ADAMTSL1: variants seen among roughly 807,000 people sequenced by gnomAD.
The protein encoded by ADAMTSL1 is ADAMTS like 1.
ADAMTSL1 carries 126 observed loss-of-function variants against 201.8 expected under a neutral mutation model. That is an observed-to-expected ratio of 0.62 (90% CI 0.54 to 0.72). ADAMTSL1 has a LOEUF of 0.72. Among genes scored for constraint, ADAMTSL1 ranks in the 30% least tolerant of loss-of-function variants. The probability of loss-of-function intolerance (pLI) is 0.00; values close to 1 mark genes in which losing one functional copy is unlikely to be tolerated. For missense variants in ADAMTSL1, 2,679 were observed against 2,277.8 expected (o/e 1.18, Z -3.59); for synonymous variants, 1,121 against 903.4 (o/e 1.24, Z -4.32).
chr9:18,849,820 T>C (rs1826365373), intron 23 of ADAMTSL1, among the ~76,000 whole-genome samples: 1 of 152,258 alleles, frequency 6.6e-6, no homozygotes, highest in Non-Finnish European at 1.5e-5. Context: ...CATTTTGTAG[T>C]TATTTATGGC....
chr9:17,925,008 G>GA (rs1276804582), intron 1 of ADAMTSL1, among the ~76,000 whole-genome samples: 1 of 118,142 alleles, frequency 8.5e-6, no homozygotes, highest in Admixed American at 9.9e-5. Flanking sequence ...AAATTTACAA[G>GA]AAAAAAACAA....
intron 1 of ADAMTSL1, among the ~76,000 whole-genome samples, chr9:18,005,970 G>A (rs2131544133): frequency 6.6e-6 from 1 of 152,050 alleles, no homozygotes; most frequent in Non-Finnish European, 1.5e-5. Flanking sequence ...ATATGTGGGA[G>A]AGAGTATGAG....
intron 3 of ADAMTSL1, among the ~76,000 whole-genome samples, chr9:18,555,627 G>T (rs1821059838): frequency 6.6e-6 from 1 of 151,926 alleles, no homozygotes; most frequent in Admixed American, 6.6e-5. Context: ...GTATGCACAG[G>T]GTGCTATGGC....
At chr9:18,591,748 C>T (rs1823929526) in intron 4 of ADAMTSL1, among the ~76,000 whole-genome samples, 1 of 152,154 alleles carries the variant, frequency 6.6e-6, no homozygotes, top group Non-Finnish European at 1.5e-5. Flanking sequence ...ACAATCAGTA[C>T]ATTTTGGCCA....
At chr9:18,552,664 A>G (rs1045895534) in intron 3 of ADAMTSL1, among the ~76,000 whole-genome samples, 5 of 151,722 alleles carry the variant, frequency 3.3e-5, no homozygotes, top group Admixed American at 6.6e-5. Flanking sequence ...TAATTTGCCA[A>G]TTTCACCTTG....
intron 1 of ADAMTSL1, among the ~76,000 whole-genome samples, chr9:18,140,885 T>G (rs1826369582): frequency 6.6e-6 from 1 of 152,182 alleles, no homozygotes; most frequent in Admixed American, 6.5e-5. Flanking sequence ...TGTCCAAAAT[T>G]AGGCTACTTG....
At chr9:18,099,940 C>T (rs1464251269) in intron 1 of ADAMTSL1, among the ~76,000 whole-genome samples, 1 of 151,790 alleles carries the variant, frequency 6.6e-6, no homozygotes, top group African/African-American at 2.4e-5. Context: ...TTCAAAGTTT[C>T]CTCCTTTTCA....
chr9:18,742,340 T>C (rs575382548), intron 15 of ADAMTSL1, among the ~76,000 whole-genome samples: 1 of 152,324 alleles, frequency 6.6e-6, no homozygotes, highest in African/African-American at 2.4e-5. Context: ...TGGATGAATG[T>C]CAAATTATTT....
intron 1 of ADAMTSL1, among the ~76,000 whole-genome samples, chr9:17,913,225 C>G (rs1825960668): frequency 6.6e-6 from 1 of 152,042 alleles, no homozygotes; most frequent in Non-Finnish European, 1.5e-5. Flanking sequence ...TTTTCCAATT[C>G]TGTGAAGAAA....
chr9:18,718,577 C>G (rs1195001870), intron 14 of ADAMTSL1: 1 of 435,298 alleles, frequency 2.3e-6, no homozygotes, highest in Non-Finnish European at 4.6e-6. Flanking sequence ...ACCGGGTTCC[C>G]GCAGCCAGTG....
At chr9:18,047,078 G>A (rs118105735) in intron 1 of ADAMTSL1, among the ~76,000 whole-genome samples, 3,373 of 151,978 alleles carry the variant, frequency 0.022, 64 homozygotes, top group Admixed American at 0.055. Flanking sequence ...AATTGACAAG[G>A]GTGAAAATAA....
intron 25 of ADAMTSL1, chr9:18,890,813 T>C (rs1421802724): frequency 3.0e-6 from 1 of 328,796 alleles, no homozygotes; most frequent in Non-Finnish European, 6.0e-6. Context: ...ACCAGGGATA[T>C]AAGAGGCTGG....
At chr9:18,602,819 C>G (rs1223138482) in intron 4 of ADAMTSL1, among the ~76,000 whole-genome samples, 1 of 152,186 alleles carries the variant, frequency 6.6e-6, no homozygotes, top group Admixed American at 6.6e-5. Context: ...GTATCTGACA[C>G]ATGAAGTTAA....
chr9:18,403,200 T>G (rs1244472267), intron 2 of ADAMTSL1, among the ~76,000 whole-genome samples: 2 of 152,160 alleles, frequency 1.3e-5, no homozygotes, highest in African/African-American at 2.4e-5. Context: ...TTTTATTTTT[T>G]TGAGATGGAG....
rs533922789 is a variant in ADAMTSL1 at position 18,235,149 on chromosome 9, T to C, written c.207+71168T>C. ...GATCCAGCATTACATTTACACATCA[T>C]GTCTCCCTAGGCTCCCCTTGGCTAG... On this transcript the variant is annotated intron_variant, in intron 2 of 29. Transcript: ENST00000680146. Among the ~76,000 whole-genome samples, 4 of 152,300 alleles carry C rather than the reference T, an allele frequency of 2.6e-5. No homozygotes were observed. The South Asian group carries it at 8.3e-4, about 32-fold the overall frequency.
intron 7 of ADAMTSL1, among the ~76,000 whole-genome samples, chr9:18,656,874 A>G (rs376025239): frequency 6.6e-6 from 1 of 151,934 alleles, no homozygotes; most frequent in African/African-American, 2.4e-5. Context: ...TCTTCAGTTT[A>G]TGTTTTCTCA....
At chr9:18,399,474 T>G (rs1007691482) in intron 2 of ADAMTSL1, among the ~76,000 whole-genome samples, 1 of 150,642 alleles carries the variant, frequency 6.6e-6, no homozygotes, top group Non-Finnish European at 1.5e-5. Flanking sequence ...CCCAAGTAGC[T>G]GGGATTACAG....
chr9:18,206,184 A>G (rs1223820668), intron 2 of ADAMTSL1, among the ~76,000 whole-genome samples: 1 of 152,006 alleles, frequency 6.6e-6, no homozygotes, highest in Admixed American at 6.6e-5. Flanking sequence ...CAGAAGCCCA[A>G]AGTTGGAACT....
At chr9:18,038,648 G>T (rs1195947750) in intron 1 of ADAMTSL1, among the ~76,000 whole-genome samples, 1 of 152,202 alleles carries the variant, frequency 6.6e-6, no homozygotes, top group Non-Finnish European at 1.5e-5. Flanking sequence ...ACCTAAGGGA[G>T]GGTGTGCTGG....
Sources: gnomAD v4.1 joint callset for allele counts (sites outside exome capture counted in the v4.1 genomes callset) on GRCh38, gnomAD v4.1.1 for gene constraint, MANE v1.5 for transcripts, NCBI Gene and HGNC (gene_info 2026-07-23, HGNC 2026-07-21) for gene names.